ZNF407: variants seen among roughly 807,000 people sequenced by gnomAD.
ZNF407 encodes the protein zinc finger protein 407.
In ZNF407, 17 loss-of-function variants were observed where a neutral mutation model predicts 131.2. That is an observed-to-expected ratio of 0.13 (90% CI 0.09 to 0.19). The LOEUF is 0.19. Among genes scored for constraint, ZNF407 ranks in the 10% least tolerant of loss-of-function variants. The probability of loss-of-function intolerance (pLI) is 1.00; values close to 1 mark genes in which losing one functional copy is unlikely to be tolerated. For synonymous variants in ZNF407, 1,156 were observed against 1,062.0 expected, an observed-to-expected ratio of 1.09 and a Z score of -1.72; for missense variants, 2,681 against 2,830.6, an observed-to-expected ratio of 0.95 and a Z score of 1.20.
At chr18:74,821,893 TA>T (rs1189216451) in intron 4 of ZNF407, among the ~76,000 whole-genome samples, 2 of 152,218 alleles carry the variant, frequency 1.3e-5, no homozygotes, top group African/African-American at 4.8e-5. Flanking sequence ...ACCAACAGTG[TA>T]AAAGCATTCC....
intron 7 of ZNF407, among the ~76,000 whole-genome samples, chr18:74,914,673 A>G (rs1971722772): frequency 6.6e-6 from 1 of 152,188 alleles, no homozygotes; most frequent in African/African-American, 2.4e-5. Context: ...GATCACAGAA[A>G]CATTCTGCAG....
chr18:74,734,199 G>T (rs923022644), intron 3 of ZNF407, among the ~76,000 whole-genome samples: 1 of 152,050 alleles, frequency 6.6e-6, no homozygotes, highest in Non-Finnish European at 1.5e-5. Flanking sequence ...TCAATGTCAC[G>T]CCACTCATTG....
chr18:74,916,126 T>A (rs1599240717), intron 7 of ZNF407, among the ~76,000 whole-genome samples: 1 of 31,178 alleles, frequency 3.2e-5, no homozygotes, highest in African/African-American at 2.2e-4. Context: ...CGGGAGTGTG[T>A]GTGTGTGTGT....
chr18:74,668,196 A>G (rs1275785052), intron 3 of ZNF407, among the ~76,000 whole-genome samples: 2 of 152,136 alleles, frequency 1.3e-5, no homozygotes, highest in Non-Finnish European at 2.9e-5. Flanking sequence ...ACACTGTCCA[A>G]ACTTTGTTTC....
intron 4 of ZNF407, among the ~76,000 whole-genome samples, chr18:74,782,046 A>AT (rs1210777987): frequency 6.6e-6 from 1 of 152,202 alleles, no homozygotes; most frequent in Non-Finnish European, 1.5e-5. Flanking sequence ...AATTAGCTTC[A>AT]TCGCATAGAC....
chr18:74,874,941 G>A (rs148783871), intron 4 of ZNF407, among the ~76,000 whole-genome samples: 1 of 152,088 alleles, frequency 6.6e-6, no homozygotes, highest in Non-Finnish European at 1.5e-5. Context: ...TTCTCGCAGG[G>A]TTCACCCGGC....
At chr18:74,751,923 T>A (rs1433240996) in intron 3 of ZNF407, among the ~76,000 whole-genome samples, 1 of 152,190 alleles carries the variant, frequency 6.6e-6, no homozygotes, top group African/African-American at 2.4e-5. Context: ...TATTTCTAGT[T>A]CTAGATCCCT....
At chr18:74,608,813 C>G (rs1195058900) in intron 1 of ZNF407, among the ~76,000 whole-genome samples, 2 of 152,120 alleles carry the variant, frequency 1.3e-5, no homozygotes, top group Admixed American at 6.5e-5. Context: ...GAAATCATGT[C>G]CTTCTCAGTG....
intron 8 of ZNF407, among the ~76,000 whole-genome samples, chr18:74,946,472 A>G (rs963119815): frequency 1.8e-4 from 27 of 152,216 alleles, no homozygotes; most frequent in Admixed American, 5.2e-4. Flanking sequence ...TTTAAAATGT[A>G]CTTTATTTTG....
chr18:74,625,499 C>T (rs1599021028), intron 1 of ZNF407, among the ~76,000 whole-genome samples: 3 of 152,130 alleles, frequency 2.0e-5, no homozygotes, highest in South Asian at 2.1e-4. Flanking sequence ...CAGATGAAGA[C>T]GTGGTAGACT....
chr18:75,040,966 G>A (rs1973365653), intron 8 of ZNF407, among the ~76,000 whole-genome samples: 1 of 152,180 alleles, frequency 6.6e-6, no homozygotes. Flanking sequence ...TTCAGAAGCT[G>A]CAATTACTTT....
chr18:74,869,544 C>A (rs575216980), intron 4 of ZNF407, among the ~76,000 whole-genome samples: 2 of 152,282 alleles, frequency 1.3e-5, no homozygotes, highest in Admixed American at 1.3e-4. Context: ...CAGAACTAAA[C>A]CAACTTCTTG....
intron 3 of ZNF407, among the ~76,000 whole-genome samples, chr18:74,728,799 C>T (rs535710876): frequency 5.9e-5 from 9 of 152,192 alleles, no homozygotes; most frequent in Non-Finnish European, 1.3e-4. Flanking sequence ...GCTGGGGAGG[C>T]TCATCACAAG....
chr18:74,718,061 G>A (rs764245621), intron 3 of ZNF407, among the ~76,000 whole-genome samples: 1 of 152,006 alleles, frequency 6.6e-6, no homozygotes, highest in Non-Finnish European at 1.5e-5. Context: ...ATTTATTGCA[G>A]AACAATTTAT....
chr18:74,906,699 T>C (rs556362529), intron 7 of ZNF407, among the ~76,000 whole-genome samples: 23 of 152,234 alleles, frequency 1.5e-4, no homozygotes, highest in Non-Finnish European at 3.1e-4. Context: ...TTTCCATGTA[T>C]ACATTTTATC....
intron 8 of ZNF407, among the ~76,000 whole-genome samples, chr18:74,954,911 TC>T (rs1416033091): frequency 6.6e-6 from 1 of 152,202 alleles, no homozygotes. Context: ...ACTGGATATA[TC>T]CACTCTAAAT....
chr18:74,966,489 T>C (rs771903602), intron 8 of ZNF407, among the ~76,000 whole-genome samples: 1 of 152,190 alleles, frequency 6.6e-6, no homozygotes, highest in Non-Finnish European at 1.5e-5. Context: ...TGTGGATTTG[T>C]TTCTGGGTTC....
Position 74,633,193 on chromosome 18 carries a change from A to G in ZNF407, c.2174A>G (p.Lys725Arg). Reference sequence around the variant, plus strand: ...TCTACTGTTCTCACGAGACATATAAAGCTTCGGCATGGTCAAGACTATCAT... The same window carrying G: ...TCTACTGTTCTCACGAGACATATAAGGCTTCGGCATGGTCAAGACTATCAT... ...RSSTVLTRHIKLRHGQDYHFL... is the reference protein window; with the variant it reads ...RSSTVLTRHIRLRHGQDYHFL... The change falls in exon 2 of 9, where the codon AAG (lysine) becomes AGG (arginine). Residue 725 changes from lysine (K) to arginine (R), a missense_variant. Physicochemically the swap from Lys to Arg is conservative, Grantham distance 26. Coordinates refer to ENST00000299687, the MANE Select transcript of ZNF407 (RefSeq NM_017757.3). 1 of 1,613,804 alleles carries G rather than the reference A, an allele frequency of 6.2e-7. No homozygotes were observed. The highest frequency in any genetic ancestry group is 8.5e-7 in the Non-Finnish European group (1 of 1,179,804).
chr18:75,033,131 A>G (rs1397489365), intron 8 of ZNF407, among the ~76,000 whole-genome samples: 393 of 60,778 alleles, frequency 6.5e-3, no homozygotes, highest in Admixed American at 0.015. Flanking sequence ...TGCTCAGAAT[A>G]GGGGGAAGAC....
Sources: gnomAD v4.1 joint callset for allele counts (sites outside exome capture counted in the v4.1 genomes callset) on GRCh38, gnomAD v4.1.1 for gene constraint, MANE v1.5 for transcripts, NCBI Gene and HGNC (gene_info 2026-07-23, HGNC 2026-07-21) for gene names.